Variants in MEGF11 observed in about 807,000 individuals in gnomAD.
MEGF11 encodes multiple epidermal growth factor-like domains protein 11.
In MEGF11, 126 loss-of-function variants were observed where a neutral mutation model predicts 146.6. The observed-to-expected ratio is 0.86, with a 90% CI of 0.74 to 1.00. The LOEUF (loss-of-function observed/expected upper bound fraction) is 1.00, where lower values mean the gene tolerates loss of function less well. MEGF11 is among the 50% of genes least tolerant of loss of function. The pLI, the probability that MEGF11 is intolerant of heterozygous loss-of-function variation, is 0.00. For missense variants in MEGF11, 1,509 were observed against 1,521.2 expected, an observed-to-expected ratio of 0.99 and a Z score of 0.13; for synonymous variants, 532 against 583.4, an observed-to-expected ratio of 0.91 and a Z score of 1.27.
intron 15 of MEGF11, among the ~76,000 whole-genome samples, chr15:65,920,708 G>A (rs1225819369): frequency 6.6e-6 from 1 of 152,264 alleles, no homozygotes; most frequent in African/African-American, 2.4e-5. Flanking sequence ...TAATGATTCT[G>A]CGTAAGCAGT....
rs1391482215 is a variant in MEGF11, at chr15:65,909,931, T to C, written c.2830-125A>G. 5.9e-6 allele frequency: 5 copies of C among 842,728 alleles called. No individual in the cohort carries two copies. The Admixed American group carries it at 6.0e-5, about 10-fold the overall frequency. 52.2% of individuals were successfully genotyped at this position (842,728 alleles called of 1,614,324 possible). A position where few individuals can be genotyped will look rare whatever the true frequency, so the allele number is the denominator to read the frequency against. On this transcript the variant is annotated intron_variant, in intron 21 of 25. Coordinates refer to ENST00000395614, the MANE Select transcript of MEGF11 (RefSeq NM_001385028.1). Reference sequence around the variant, plus strand: ...CCTGACCCACCTGGGTCCTAGGCCGTTGAGAGAAAGGGCGAGCTAGGTGTT... The same window carrying C: ...CCTGACCCACCTGGGTCCTAGGCCGCTGAGAGAAAGGGCGAGCTAGGTGTT...
chr15:66,215,082 C>T (rs1279523280), intron 1 of MEGF11, among the ~76,000 whole-genome samples: 1 of 152,084 alleles, frequency 6.6e-6, no homozygotes, highest in Non-Finnish European at 1.5e-5. Context: ...TCTAACGCCT[C>T]CTCCCACACA....
chr15:66,049,495 C>T (rs1436374977), intron 5 of MEGF11, among the ~76,000 whole-genome samples: 2 of 152,146 alleles, frequency 1.3e-5, no homozygotes, highest in Non-Finnish European at 2.9e-5. Flanking sequence ...GGCCAAGTGC[C>T]GCAGTGAGGG....
At chr15:66,012,613 G>A (rs2082745453) in intron 5 of MEGF11, among the ~76,000 whole-genome samples, 1 of 152,232 alleles carries the variant, frequency 6.6e-6, no homozygotes, top group African/African-American at 2.4e-5. Flanking sequence ...TCCATTGATT[G>A]GGCCTGTAGA....
At chr15:66,105,844 C>G (rs1411660515) in intron 4 of MEGF11, among the ~76,000 whole-genome samples, 1 of 152,226 alleles carries the variant, frequency 6.6e-6, no homozygotes, top group Admixed American at 6.5e-5. Context: ...TGTGGATCAA[C>G]AGAGGCCAAG....
chr15:65,910,167 C>T (rs1450592601), intron 21 of MEGF11, among the ~76,000 whole-genome samples: 1 of 152,086 alleles, frequency 6.6e-6, no homozygotes, highest in Non-Finnish European at 1.5e-5. Flanking sequence ...GAGGCCATCT[C>T]CAGCACAGAG....
At chr15:66,118,252 G>A (rs368817042) in intron 4 of MEGF11, among the ~76,000 whole-genome samples, 4 of 152,204 alleles carry the variant, frequency 2.6e-5, no homozygotes, top group African/African-American at 2.4e-5. Context: ...TGGGGAAAGA[G>A]TCCCTTAGAA....
At chr15:65,903,629 CCTAGG>C (rs1359628461) in intron 24 of MEGF11, among the ~76,000 whole-genome samples, 1 of 152,212 alleles carries the variant, frequency 6.6e-6, no homozygotes, top group Non-Finnish European at 1.5e-5. Context: ...TTCCTTAACT[CCTAGG>C]CTAGGGCTTT....
chr15:65,953,856 G>A (rs1375478044), intron 10 of MEGF11, among the ~76,000 whole-genome samples: 2 of 152,104 alleles, frequency 1.3e-5, no homozygotes, highest in Non-Finnish European at 2.9e-5. Flanking sequence ...GCTCACAGGT[G>A]TGGTTCTGCA....
rs759802418 is a variant in MEGF11 at position 65,980,827 on chromosome 15, C to T, written c.713G>A (p.Gly238Asp). 1 of 1,603,418 alleles carries T rather than the reference C, an allele frequency of 6.2e-7. No individual in the cohort carries two copies. Among genetic ancestry groups the T allele is most frequent in the Non-Finnish European group, 8.5e-7 (1 of 1,175,712 alleles). The change falls in exon 7 of 26, where the codon GGC becomes GAC. Residue 238 changes from glycine to aspartate, a missense_variant. Gly to Asp is a moderately conservative substitution (Grantham distance 94). Coordinates refer to ENST00000395614, the MANE Select transcript of MEGF11 (RefSeq NM_001385028.1). The stretch of plus-strand genomic sequence containing the variant: ...CTCGCCAGTGATGTGGTGGCAGGTG[C>T]CCCCATTCTGACAGGGGCAGCGCAG... ...CELRCPCQNG[G>D]TCHHITGECA...
intron 1 of MEGF11, among the ~76,000 whole-genome samples, chr15:66,141,289 T>TGTGTGTGA (rs1555475806): frequency 7.9e-5 from 8 of 101,254 alleles, no homozygotes; most frequent in African/African-American, 2.8e-4. Flanking sequence ...TGTGTGTGTG[T>TGTGTGTGA]GAGAGAGAGA....
At chr15:66,132,533 C>T (rs76390243) in intron 1 of MEGF11, among the ~76,000 whole-genome samples, 132 of 152,264 alleles carry the variant, frequency 8.7e-4, no homozygotes, top group African/African-American at 3.0e-3. Flanking sequence ...TTTGCACTGG[C>T]GGCAGGAGTG....
chr15:66,172,742 T>G (rs2090294620), intron 1 of MEGF11, among the ~76,000 whole-genome samples: 1 of 152,240 alleles, frequency 6.6e-6, no homozygotes, highest in Non-Finnish European at 1.5e-5. Flanking sequence ...AGCTTTACTG[T>G]GCCATCTGTC....
chr15:66,251,102 G>C (rs376251873), intron 1 of MEGF11, among the ~76,000 whole-genome samples: 27 of 152,308 alleles, frequency 1.8e-4, no homozygotes, highest in East Asian at 1.7e-3. Context: ...CCTGGGGCCA[G>C]GTTCTGAGCT....
At chr15:66,077,043 G>T (rs991783251) in intron 5 of MEGF11, among the ~76,000 whole-genome samples, 3 of 152,220 alleles carry the variant, frequency 2.0e-5, no homozygotes, top group Admixed American at 6.5e-5. Flanking sequence ...ACGCTGCAGA[G>T]TGAGTAGATG....
At chr15:65,961,249 C>T (rs1290032279) in intron 9 of MEGF11, among the ~76,000 whole-genome samples, 9 of 152,094 alleles carry the variant, frequency 5.9e-5, no homozygotes, top group African/African-American at 1.7e-4. Context: ...GCAGAAGTTA[C>T]AGTCACTTGT....
intron 5 of MEGF11, among the ~76,000 whole-genome samples, chr15:66,019,164 C>G (rs754411118): frequency 6.6e-6 from 1 of 152,142 alleles, no homozygotes; most frequent in Non-Finnish European, 1.5e-5. Context: ...GGTGACAGGG[C>G]CTGTGCGTGG....
intron 5 of MEGF11, among the ~76,000 whole-genome samples, chr15:66,015,418 C>T (rs2082853813): frequency 6.6e-6 from 1 of 152,196 alleles, no homozygotes; most frequent in Admixed American, 6.5e-5. Context: ...GAATGTTAAT[C>T]ATTCATTTAA....
chr15:66,178,990 T>C lies in MEGF11; in HGVS notation c.-8-50579A>G, dbSNP rs62009887. Among the ~76,000 whole-genome samples the C allele has an allele frequency of 9.3e-3, 1,418 of 152,164 alleles. 9 individuals carry two copies. Among genetic ancestry groups the C allele is most frequent in the Middle Eastern group, 0.02 (6 of 294 alleles). ...AAAAAAGAAACAAAAACCCCATAAATTCCTGTAGCCTCCGGGTAGCCAGTG... is the reference window on the plus strand; with the variant it reads ...AAAAAAGAAACAAAAACCCCATAAACTCCTGTAGCCTCCGGGTAGCCAGTG... On this transcript the variant is annotated intron_variant, in intron 1 of 25. Transcript: ENST00000395614.
Sources: allele counts gnomAD v4.1 joint callset (sites outside exome capture counted in the v4.1 genomes callset), GRCh38; gene constraint gnomAD v4.1.1; transcripts MANE v1.5; gene names NCBI Gene and HGNC (gene_info 2026-07-23, HGNC 2026-07-21).